The following EYS variants were observed in gnomAD, a reference collection of about 807,000 sequenced individuals.
EYS encodes EGF-like photoreceptor maintenance factor.
In EYS, 250 loss-of-function variants were observed where a neutral mutation model predicts 282.1. The observed-to-expected ratio is 0.89, with a 90% CI of 0.80 to 0.98. The LOEUF (loss-of-function observed/expected upper bound fraction) is 0.98. Among genes scored for constraint, EYS ranks in the 50% least tolerant of loss-of-function variants. The pLI is 0.00. For synonymous variants in EYS, 1,355 were observed against 1,282.9 expected, an observed-to-expected ratio of 1.06 and a Z score of -1.20; for missense variants, 4,016 against 3,709.0, an observed-to-expected ratio of 1.08 and a Z score of -2.15.
intron 26 of EYS, among the ~76,000 whole-genome samples, chr6:64,526,255 A>G (rs1177853328): frequency 6.6e-6 from 1 of 151,690 alleles, no homozygotes; most frequent in African/African-American, 2.4e-5. Flanking sequence ...GGTGATAGGA[A>G]TGTTTTCTTT....
rs948534519 is a variant in EYS at position 65,204,522 on chromosome 6, A to G, written c.2023+91341T>C. On this transcript the variant is annotated intron_variant, in intron 12 of 42. Coordinates refer to ENST00000503581, the MANE Select transcript of EYS (RefSeq NM_001142800.2). Reference sequence around the variant, plus strand: ...AGGGAATTTCTTCCAGATTGGACCTATAAGAAATGCTCAAAAGAGTTCTAA... The same window carrying G: ...AGGGAATTTCTTCCAGATTGGACCTGTAAGAAATGCTCAAAAGAGTTCTAA... 2.6e-5 allele frequency among the ~76,000 whole-genome samples: 4 copies of G among 152,066 alleles called. No homozygotes were observed. The East Asian group carries it at 7.7e-4, about 29-fold the overall frequency.
intron 29 of EYS, among the ~76,000 whole-genome samples, chr6:64,309,863 G>T (rs571588034): frequency 2.6e-5 from 4 of 151,830 alleles, no homozygotes; most frequent in East Asian, 3.9e-4. Context: ...TACTCGGGAG[G>T]CTGTGGCAAG....
chr6:65,394,541 G>T (rs1030329390), intron 7 of EYS, among the ~76,000 whole-genome samples: 1 of 152,120 alleles, frequency 6.6e-6, no homozygotes, highest in African/African-American at 2.4e-5. Context: ...TGCCTTTGGA[G>T]AAATTTCCAA....
intron 24 of EYS, among the ~76,000 whole-genome samples, chr6:64,599,195 T>C (rs1562085000): frequency 6.6e-6 from 1 of 152,184 alleles, no homozygotes; most frequent in East Asian, 1.9e-4. Flanking sequence ...ATCTTATTGA[T>C]ATCATAAAAA....
chr6:64,661,934 G>A (rs1312543960), intron 22 of EYS, among the ~76,000 whole-genome samples: 6 of 150,388 alleles, frequency 4.0e-5, no homozygotes, highest in African/African-American at 1.2e-4. Context: ...ACATGCACAC[G>A]TATGTTTATT....
At chr6:65,484,313 A>G (rs1765711748) in intron 5 of EYS, among the ~76,000 whole-genome samples, 1 of 152,166 alleles carries the variant, frequency 6.6e-6, no homozygotes, top group African/African-American at 2.4e-5. Flanking sequence ...AAGTACTATT[A>G]TTTATGGTTG....
In EYS at chr6:65,536,111, A is replaced by G. The variant is rs143271721; in HGVS notation, c.-332-40118T>C. On this transcript the variant is annotated intron_variant, in intron 2 of 42. Coordinates refer to ENST00000503581, the MANE Select transcript of EYS (RefSeq NM_001142800.2). ...GAGATAGAATGATACATTCAAGTAA[A>G]TATGGGGAAGAAGACAATGACACTA... 4.9e-3 allele frequency among the ~76,000 whole-genome samples: 743 copies of G among 152,212 alleles called. 2 individuals are homozygous for G. Among genetic ancestry groups the G allele is most frequent in the African/African-American group, 0.016 (674 of 41,540 alleles).
intron 1 of EYS, among the ~76,000 whole-genome samples, chr6:65,640,620 T>C (rs1401424607): frequency 1.3e-5 from 2 of 152,148 alleles, no homozygotes; most frequent in Non-Finnish European, 2.9e-5. Flanking sequence ...TTCTGTGTTG[T>C]TCTGGGTTTT....
chr6:64,685,275 T>A (rs1295590313), intron 22 of EYS, among the ~76,000 whole-genome samples: 7 of 139,244 alleles, frequency 5.0e-5, no homozygotes, highest in Non-Finnish European at 9.3e-5. Context: ...AGTTGGACAT[T>A]TCAAAGATTC....
At chr6:64,799,165 C>G (rs1267387302) in intron 22 of EYS, among the ~76,000 whole-genome samples, 1 of 151,904 alleles carries the variant, frequency 6.6e-6, no homozygotes, top group Non-Finnish European at 1.5e-5. Flanking sequence ...CTCCATCCTA[C>G]CCCACAAATA....
intron 22 of EYS, among the ~76,000 whole-genome samples, chr6:64,731,326 A>AAAAC (rs1435927979): frequency 6.6e-6 from 1 of 152,044 alleles, no homozygotes; most frequent in East Asian, 1.9e-4. Context: ...AACAAAACCA[A>AAAAC]AAACAAACAA....
intron 41 of EYS, among the ~76,000 whole-genome samples, chr6:63,740,194 C>A (rs1769037780): frequency 6.6e-6 from 1 of 152,154 alleles, no homozygotes. Context: ...ATCTTGAATT[C>A]CACATGTTAT....
At chr6:64,763,848 A>G (rs1773239033) in intron 22 of EYS, among the ~76,000 whole-genome samples, 1 of 152,134 alleles carries the variant, frequency 6.6e-6, no homozygotes, top group South Asian at 2.1e-4. Flanking sequence ...AAGGAGCTAC[A>G]GGCCCACCAA....
intron 5 of EYS, among the ~76,000 whole-genome samples, chr6:65,431,829 GAATA>G (rs1554195795): frequency 6.6e-6 from 1 of 152,014 alleles, no homozygotes; most frequent in Non-Finnish European, 1.5e-5. Flanking sequence ...TTAAACTCAT[GAATA>G]AATAACAAAA....
At chr6:65,248,131 C>T (rs1000252759) in intron 12 of EYS, among the ~76,000 whole-genome samples, 3 of 152,006 alleles carry the variant, frequency 2.0e-5, no homozygotes, top group African/African-American at 7.2e-5. Context: ...AATTTTAACA[C>T]TCCCCAGAGA....
intron 12 of EYS, among the ~76,000 whole-genome samples, chr6:65,214,304 G>C (rs1766257473): frequency 6.6e-6 from 1 of 151,370 alleles, no homozygotes; most frequent in Non-Finnish European, 1.5e-5. Context: ...GTGATACAAG[G>C]AATGATAAGA....
intron 33 of EYS, among the ~76,000 whole-genome samples, chr6:64,033,995 A>G (rs1769993417): frequency 1.3e-5 from 2 of 152,206 alleles, no homozygotes; most frequent in South Asian, 4.1e-4. Flanking sequence ...TGTCAGGAGC[A>G]CTGATTTAAT....
intron 12 of EYS, among the ~76,000 whole-genome samples, chr6:65,189,767 C>G (rs1224917535): frequency 6.6e-6 from 1 of 151,678 alleles, no homozygotes; most frequent in Non-Finnish European, 1.5e-5. Flanking sequence ...GTCGAGTAGC[C>G]TCATCATTCC....
intron 1 of EYS, among the ~76,000 whole-genome samples, chr6:65,647,835 A>AC (rs1339651964): frequency 4.7e-4 from 72 of 152,102 alleles, no homozygotes; most frequent in Middle Eastern, 6.8e-3. Flanking sequence ...AAACAAACAA[A>AC]AAAACAAACA....
Sources: gnomAD v4.1 joint callset for allele counts (sites outside exome capture counted in the v4.1 genomes callset) on GRCh38, gnomAD v4.1.1 for gene constraint, MANE v1.5 for transcripts, NCBI Gene and HGNC (gene_info 2026-07-23, HGNC 2026-07-21) for gene names.